Variants in TUBB8B observed in about 807,000 individuals in gnomAD.
TUBB8B encodes the protein tubulin beta 8B.
Under a neutral mutation model 31.9 loss-of-function variants are expected in TUBB8B, and 26 were observed. The observed-to-expected ratio is 0.81, with a 90% CI of 0.60 to 1.13. The LOEUF is 1.13. Among genes scored for constraint, TUBB8B ranks in the 50% most tolerant of loss-of-function variants. The pLI is 0.00. For missense variants in TUBB8B, 467 were observed against 586.7 expected (o/e 0.80, Z 2.11); for synonymous variants, 173 against 231.0 (o/e 0.75, Z 2.28).
chr18:65,666 CATT>C, the TUBB8B span, among the ~76,000 whole-genome samples: 1 of 152,124 alleles, frequency 6.6e-6, no homozygotes, highest in Non-Finnish European at 1.5e-5. Context: ...TCATTTTCAT[CATT>C]GTATTCAACA....
At chr18:69,352 T>C in the TUBB8B span, among the ~76,000 whole-genome samples, 8 of 152,236 alleles carry the variant, frequency 5.3e-5, no homozygotes, top group African/African-American at 1.9e-4. Context: ...TAGTCCCAGC[T>C]ACTCGGGAGG....
At position 49,604 on chromosome 18, in the gene TUBB8B, C is replaced by A. The variant is rs1249111925; in HGVS notation, c.-47G>T. 2 of 766,730 alleles carry A rather than the reference C, an allele frequency of 2.6e-6. No individual in the cohort carries two copies. The highest frequency in any genetic ancestry group is 4.5e-6 in the Non-Finnish European group (2 of 442,916). The allele number at this position is 766,730 out of a possible 1,614,324, so 47.5% of individuals were successfully genotyped here. A position where few individuals can be genotyped will look rare whatever the true frequency, so the allele number is the denominator to read the frequency against. ...GCAGCAGAAGCGCGAGAAGGAGGAG[C>A]AGACGCGCAGCGACCCAGCCCGCCC... On this transcript the variant is annotated 5_prime_UTR_variant, in exon 1 of 4. Transcript: ENST00000308911.
chr18:64,088 A>AACCCTC, the TUBB8B span, among the ~76,000 whole-genome samples: 3 of 150,428 alleles, frequency 2.0e-5, no homozygotes, highest in Non-Finnish European at 4.4e-5. Flanking sequence ...CCCTAACCCT[A>AACCCTC]ACCCTCACCC....
At chr18:73,395 G>C in the TUBB8B span, 1 of 165,314 alleles carries the variant, frequency 6.0e-6, no homozygotes, top group Non-Finnish European at 1.5e-5. Flanking sequence ...GGTGTCCCCA[G>C]GTGTCCCAAG....
the TUBB8B span, among the ~76,000 whole-genome samples, chr18:72,272 A>G: frequency 6.6e-6 from 1 of 152,028 alleles, no homozygotes; most frequent in South Asian, 2.1e-4. Context: ...CCTTAACGAA[A>G]TCTGATTTTA....
In TUBB8B at chr18:49,087, C is replaced by A. The variant is rs748813198; in HGVS notation, c.167-37G>T. ...GGGAGGGCATGAGCGAGGGGAGGGC[C>A]GCGTTCCCAGGAGGGCGGTGGGAGA... On this transcript the variant is annotated intron_variant, in intron 2 of 3. Coordinates refer to ENST00000308911, the MANE Select transcript of TUBB8B (RefSeq NM_001358689.2). The A allele has an allele frequency of 1.7e-5, 27 of 1,549,096 alleles. No homozygotes were observed. The Admixed American group carries it at 4.4e-4, about 25-fold the overall frequency.
chr18:47,320 T>TG lies in TUBB8B; in HGVS notation c.*69dup. ...AAGACACAAATTAACAAGCGTATAG[T>TG]GACACATGGCTGTCAGAACACAGTA... On this transcript the variant is annotated 3_prime_UTR_variant, in exon 4 of 4. Transcript: ENST00000308911. 1 of 611,142 alleles carries TG rather than the reference T, an allele frequency of 1.6e-6. No individual in the cohort carries two copies. The highest frequency in any genetic ancestry group is 2.7e-5 in the East Asian group (1 of 36,586). 37.9% of individuals were successfully genotyped at this position (611,142 alleles called of 1,614,324 possible). A position where few individuals can be genotyped will look rare whatever the true frequency, so the allele number is the denominator to read the frequency against.
chr18:66,996 G>T, the TUBB8B span, among the ~76,000 whole-genome samples: 711 of 139,646 alleles, frequency 5.1e-3, 5 homozygotes, highest in Non-Finnish European at 4.4e-3. Flanking sequence ...TGTTTTTTTT[G>T]TTTTTTTTTT....
upstream of TUBB8B, among the ~76,000 whole-genome samples, chr18:51,506 C>G (rs1228501527): frequency 1.3e-5 from 2 of 151,992 alleles, no homozygotes; most frequent in African/African-American, 4.8e-5. Flanking sequence ...TTATCATGAT[C>G]TTGGCTCACT....
chr18:67,545 G>C, the TUBB8B span, among the ~76,000 whole-genome samples: 1 of 152,110 alleles, frequency 6.6e-6, no homozygotes, highest in South Asian at 2.1e-4. Context: ...TCTGGCTATG[G>C]TGCCCAGCTT....
upstream of TUBB8B, among the ~76,000 whole-genome samples, chr18:53,746 A>G (rs551690265): frequency 6.9e-4 from 105 of 152,020 alleles, no homozygotes; most frequent in African/African-American, 2.5e-3. Context: ...TGGGATTACA[A>G]GCATGAGCTA....
upstream of TUBB8B, chr18:50,313 G>A (rs543228551): frequency 5.6e-6 from 1 of 179,112 alleles, no homozygotes; most frequent in African/African-American, 2.4e-5. Context: ...TTTTCAGATG[G>A]GGTGGGGAAT....
rs1218162427 is a variant in TUBB8B at position 48,018 on chromosome 18, A to G, written c.707T>C (p.Val236Ala). The G allele has an allele frequency of 6.2e-7, 1 of 1,612,516 alleles. No individual in the cohort carries two copies. The highest frequency in any genetic ancestry group is 2.2e-5 in the East Asian group (1 of 44,844). Residue 236 changes from valine to alanine, a missense_variant, in exon 4 of 4, where the codon GTC becomes GCC. This residue lies in a region of TUBB8B where 259 missense variants were observed against 380.1 expected (regional missense o/e 0.68). Coordinates refer to ENST00000308911, the MANE Select transcript of TUBB8B (RefSeq NM_001358689.2). Reference protein sequence around the residue: ...NHLVSATMSGVTTCLRFPGQL... With the variant: ...NHLVSATMSGATTCLRFPGQL... The stretch of plus-strand genomic sequence containing the variant: ...GCCTGGGAAGCGCAGGCATGTGGTG[A>G]CCCCACTCATGGTAGCAGACACCAG...
the TUBB8B span, among the ~76,000 whole-genome samples, chr18:64,933 C>G: frequency 6.6e-6 from 1 of 152,076 alleles, no homozygotes; most frequent in African/African-American, 2.4e-5. Flanking sequence ...CAATTTAATA[C>G]TAAACCACAC....
At chr18:66,829 T>A in the TUBB8B span, among the ~76,000 whole-genome samples, 28,937 of 131,876 alleles carry the variant, frequency 0.22, 3,192 homozygotes, top group African/African-American at 0.37. Flanking sequence ...TGTAACAGGA[T>A]CCACAAAGAA....
upstream of TUBB8B, chr18:50,037 G>T: frequency 7.7e-6 from 3 of 388,612 alleles, no homozygotes; most frequent in Non-Finnish European, 1.5e-5. Flanking sequence ...TTAATTATAC[G>T]TTTTACTTTG....
At chr18:61,202 A>G in the TUBB8B span, among the ~76,000 whole-genome samples, 1 of 151,538 alleles carries the variant, frequency 6.6e-6, no homozygotes, top group Non-Finnish European at 1.5e-5. Flanking sequence ...TTATATAATG[A>G]CCTTCTTAAT....
the TUBB8B span, among the ~76,000 whole-genome samples, chr18:66,037 C>T: frequency 1.1e-4 from 17 of 152,064 alleles, no homozygotes; most frequent in East Asian, 1.4e-3. Context: ...CAGGCCAGTC[C>T]GGCCAACACA....
rs564326394 is a variant in TUBB8B at position 48,164 on chromosome 18, G to C, written c.561C>G (p.Leu187=). Residue 187 remains leucine, a synonymous_variant, in exon 4 of 4, where the codon CTC becomes CTG. Transcript: ENST00000308911. ...CGTTTTCTATGAGCTGGTGGACTGAGAGGGTGGCGTTGTAGGGCTCCACCA... is the reference window on the plus strand; with the variant it reads ...CGTTTTCTATGAGCTGGTGGACTGACAGGGTGGCGTTGTAGGGCTCCACCA... ...DTVVEPYNAT[L]SVHQLIENAD... 1 of 1,613,974 alleles carries C rather than the reference G, an allele frequency of 6.2e-7. No individual in the cohort carries two copies. The highest frequency in any genetic ancestry group is 1.3e-5 in the African/African-American group (1 of 75,090).
Sources: allele counts gnomAD v4.1 joint callset (sites outside exome capture counted in the v4.1 genomes callset), GRCh38; gene constraint gnomAD v4.1.1; regional missense constraint gnomAD v4.1.1; transcripts MANE v1.5; gene names NCBI Gene and HGNC (gene_info 2026-07-23, HGNC 2026-07-21).